Variants in DSCAM observed in about 807,000 individuals in gnomAD.
DSCAM encodes DS cell adhesion molecule.
A neutral mutation model predicts 217.7 loss-of-function variants in DSCAM; 47 were observed. The ratio of observed to expected loss-of-function variants is 0.22; its 90% CI spans 0.17 to 0.28. DSCAM has a LOEUF of 0.28. Ranked by LOEUF, DSCAM falls within the 10% of genes least tolerant of loss-of-function variation. The probability of loss-of-function intolerance (pLI) is 1.00; values close to 1 mark genes in which losing one functional copy is unlikely to be tolerated. For synonymous variants in DSCAM, 1,056 were observed against 1,015.3 expected (o/e 1.04, Z -0.76); for missense variants, 2,080 against 2,618.3 (o/e 0.79, Z 4.49).
At chr21:40,738,658 C>T (rs936555965) in intron 1 of DSCAM, among the ~76,000 whole-genome samples, 1 of 152,118 alleles carries the variant, frequency 6.6e-6, no homozygotes, top group African/African-American at 2.4e-5. Flanking sequence ...AGACAGATTG[C>T]GGGGCCCCAC....
At chr21:40,820,446 A>T (rs1172867998) in intron 1 of DSCAM, among the ~76,000 whole-genome samples, 1 of 152,036 alleles carries the variant, frequency 6.6e-6, no homozygotes, top group African/African-American at 2.4e-5. Context: ...AACGTCACAC[A>T]CCAGGGCCTG....
rs761881401 is a variant in DSCAM, at chr21:40,144,467, C to T, written c.3259+24G>A. The T allele has an allele frequency of 1.9e-6, 3 of 1,611,412 alleles. No individual in the cohort carries two copies. Among genetic ancestry groups the T allele is most frequent in the South Asian group, 1.1e-5 (1 of 90,944 alleles). ...GGAACCTTTGCGGAGGGAAAAGCCA[C>T]GACCAGGCCCCGGCCGAACCTACCA... On this transcript the variant is annotated intron_variant, in intron 17 of 32. Transcript: ENST00000400454. This position sits in a 1 kb window ranked among gnomAD's most constrained non-coding sequence, Gnocchi z 4.8.
intron 4 of DSCAM, among the ~76,000 whole-genome samples, chr21:40,365,772 C>T (rs2074825688): frequency 6.6e-6 from 1 of 152,076 alleles, no homozygotes; most frequent in African/African-American, 2.4e-5. Flanking sequence ...GAATTTGGTC[C>T]TGTAAGTTTT....
chr21:40,339,187 C>G lies in DSCAM; in HGVS notation c.1439G>C (p.Gly480Ala). 6.2e-7 allele frequency: 1 copy of G among 1,614,190 alleles called. No homozygotes were observed. The highest frequency in any genetic ancestry group is 8.5e-7 in the Non-Finnish European group (1 of 1,180,026). ...NISSSQVRDG[G>A]VYRCTANNSA... ...GTTGTTGGCAGTGCAGCGGTAGACTCCCCCGTCCCGGACCTGGGAGCTGGA... is the reference window on the plus strand; with the variant it reads ...GTTGTTGGCAGTGCAGCGGTAGACTGCCCCGTCCCGGACCTGGGAGCTGGA... Residue 480 changes from glycine to alanine, a missense_variant, in exon 7 of 33, where the codon GGA becomes GCA. Around this residue, in one of 5 missense-constraint regions of DSCAM, gnomAD observed 568 missense variants for 678.1 expected, o/e 0.84. Coordinates refer to ENST00000400454, the MANE Select transcript of DSCAM (RefSeq NM_001389.5).
chr21:40,703,977 T>G (rs529250131), intron 2 of DSCAM, among the ~76,000 whole-genome samples: 1 of 152,178 alleles, frequency 6.6e-6, no homozygotes, highest in Non-Finnish European at 1.5e-5. Context: ...CTTTAATTTC[T>G]TTCATTATTA....
At chr21:40,027,416 T>G (rs1396463867) in intron 32 of DSCAM, among the ~76,000 whole-genome samples, 136 of 151,470 alleles carry the variant, frequency 9.0e-4, no homozygotes, top group African/African-American at 3.1e-3. Context: ...GAATCTGAAC[T>G]TTGGCCTGCC....
intron 11 of DSCAM, among the ~76,000 whole-genome samples, chr21:40,197,496 C>A (rs1016132582): frequency 6.6e-6 from 1 of 152,154 alleles, no homozygotes; most frequent in African/African-American, 2.4e-5. Context: ...CCCCTTGCCT[C>A]TCTCCTATCC....
At chr21:40,111,927 A>T (rs1601341395) in intron 20 of DSCAM, among the ~76,000 whole-genome samples, 1 of 152,018 alleles carries the variant, frequency 6.6e-6, no homozygotes, top group Non-Finnish European at 1.5e-5. Flanking sequence ...AAGTCCTTAG[A>T]GACCTACAAA....
intron 6 of DSCAM, 49 bp downstream of exon 6, chr21:40,347,621 C>G: frequency 1.9e-6 from 3 of 1,608,244 alleles, no homozygotes; most frequent in Non-Finnish European, 2.5e-6. Context: ...TCTGAGTGCT[C>G]TGGGTTTGGG....
chr21:40,281,706 T>C (rs1223070903), intron 10 of DSCAM, among the ~76,000 whole-genome samples: 1 of 152,166 alleles, frequency 6.6e-6, no homozygotes, highest in Non-Finnish European at 1.5e-5. Flanking sequence ...ATTTGCACAT[T>C]TTGGCGGATT....
intron 23 of DSCAM, among the ~76,000 whole-genome samples, chr21:40,085,251 G>T (rs999959884): frequency 1.3e-5 from 2 of 152,034 alleles, no homozygotes; most frequent in African/African-American, 2.4e-5. Flanking sequence ...CTTGTTTTTT[G>T]TTTGTGTTTT....
intron 3 of DSCAM, among the ~76,000 whole-genome samples, chr21:40,470,578 G>C (rs1340437266): frequency 2.0e-5 from 3 of 152,204 alleles, no homozygotes; most frequent in African/African-American, 7.2e-5. Flanking sequence ...TTGAGACAAA[G>C]TCTTCTCTGT....
intron 1 of DSCAM, among the ~76,000 whole-genome samples, chr21:40,810,162 G>A (rs1424375944): frequency 1.3e-5 from 2 of 152,168 alleles, no homozygotes; most frequent in Non-Finnish European, 2.9e-5. Context: ...ATGTTACTGT[G>A]CATCTCCTTG....
intron 3 of DSCAM, chr21:40,385,013 CATCCT>C (rs1446379480): frequency 6.6e-6 from 1 of 152,038 alleles, no homozygotes; most frequent in East Asian, 1.9e-4. Flanking sequence ...GTTCCCTCCC[CATCCT>C]ATATTTTTCT....
intron 1 of DSCAM, among the ~76,000 whole-genome samples, chr21:40,765,352 C>T (rs571163336): frequency 4.9e-5 from 7 of 142,372 alleles, no homozygotes; most frequent in South Asian, 4.7e-4. Flanking sequence ...GCACTTCCTC[C>T]TCCTCCTCTG....
intron 18 of DSCAM, among the ~76,000 whole-genome samples, chr21:40,137,178 G>GAAA (rs34652896): frequency 7.8e-5 from 5 of 64,500 alleles, no homozygotes; most frequent in East Asian, 5.3e-4. Context: ...CTGTCTCAAG[G>GAAA]AAAAAAAAAA....
intron 3 of DSCAM, among the ~76,000 whole-genome samples, chr21:40,671,692 CA>C (rs71330402): frequency 0.038 from 4,117 of 108,984 alleles, 68 homozygotes; most frequent in Middle Eastern, 0.13. Flanking sequence ...ATTCCTTAAA[CA>C]AAAAAAAAAA....
At chr21:40,765,216 C>T (rs1000468783) in intron 1 of DSCAM, among the ~76,000 whole-genome samples, 3 of 152,272 alleles carry the variant, frequency 2.0e-5, no homozygotes, top group Admixed American at 6.5e-5. Flanking sequence ...CTTTCCTAAC[C>T]AATGTCATTG....
intron 3 of DSCAM, among the ~76,000 whole-genome samples, chr21:40,585,329 A>C (rs2146231734): frequency 1.9e-5 from 1 of 53,240 alleles, no homozygotes; most frequent in Non-Finnish European, 5.1e-5. Flanking sequence ...GTTAAAGAAA[A>C]ATGCTGCGTG....
Sources: gnomAD v4.1 joint callset for allele counts (sites outside exome capture counted in the v4.1 genomes callset) on GRCh38, gnomAD v4.1.1 for gene constraint, gnomAD v4.1.1 regional missense constraint, Gnocchi (gnomAD v3.1) non-coding constraint, MANE v1.5 for transcripts, NCBI Gene and HGNC (gene_info 2026-07-23, HGNC 2026-07-21) for gene names.